Variants in RANBP2 observed in about 807,000 individuals in gnomAD.
RANBP2 encodes the protein E3 SUMO-protein ligase RanBP2.
In RANBP2, 57 loss-of-function variants were observed where a neutral mutation model predicts 303.6. The observed-to-expected ratio is 0.19, with a 90% CI of 0.15 to 0.23. The LOEUF is 0.23. Among genes scored for constraint, RANBP2 ranks in the 10% least tolerant of loss-of-function variants. The pLI is 1.00. For missense variants in RANBP2, 3,138 were observed against 3,780.8 expected, an observed-to-expected ratio of 0.83 and a Z score of 4.46; for synonymous variants, 1,167 against 1,301.5, an observed-to-expected ratio of 0.90 and a Z score of 2.23.
At chr2:108,854,707 G>A in the RANBP2 span, among the ~76,000 whole-genome samples, 3 of 152,100 alleles carry the variant, frequency 2.0e-5, no homozygotes, top group East Asian at 1.9e-4. Flanking sequence ...GGCTGGGCTC[G>A]GCTGGGCTTG....
chr2:108,787,060 G>A, downstream of RANBP2: 1 of 429,870 alleles, frequency 2.3e-6, no homozygotes, highest in Non-Finnish European at 3.9e-6. Flanking sequence ...TGGGCCTCGT[G>A]GAAGCAGGCG....
At chr2:109,134,621 G>A in the RANBP2 span, among the ~76,000 whole-genome samples, 12 of 152,278 alleles carry the variant, frequency 7.9e-5, no homozygotes, top group South Asian at 2.1e-4. Flanking sequence ...ACACAGGTAC[G>A]GAAATTAAGG....
At chr2:109,612,681 C>G in the RANBP2 span, among the ~76,000 whole-genome samples, 1 of 152,184 alleles carries the variant, frequency 6.6e-6, no homozygotes, top group South Asian at 2.1e-4. Flanking sequence ...TTATAAAACA[C>G]ATTTTCCTCA....
At chr2:109,446,153 G>A in the RANBP2 span, among the ~76,000 whole-genome samples, 2 of 152,120 alleles carry the variant, frequency 1.3e-5, no homozygotes, top group Admixed American at 6.5e-5. Context: ...TCCTACCAGA[G>A]ATGAGCACAC....
chr2:108,897,085 C>T, the RANBP2 span: 1 of 1,614,146 alleles, frequency 6.2e-7, no homozygotes, highest in Non-Finnish European at 8.5e-7. Flanking sequence ...GTCTGTCATG[C>T]CCCCAATCTC....
At chr2:108,759,201 G>T (rs1242289602) in intron 18 of RANBP2, among the ~76,000 whole-genome samples, 1 of 151,860 alleles carries the variant, frequency 6.6e-6, no homozygotes, top group Non-Finnish European at 1.5e-5. Flanking sequence ...TTTACTGTGG[G>T]TTGGCTATGT....
chr2:109,013,873 G>C, the RANBP2 span, among the ~76,000 whole-genome samples: 817 of 152,072 alleles, frequency 5.4e-3, 6 homozygotes, highest in African/African-American at 0.019. Context: ...CACCACACCC[G>C]GCCCTTTCCA....
chr2:109,006,025 C>T, the RANBP2 span, among the ~76,000 whole-genome samples: 1 of 152,126 alleles, frequency 6.6e-6, no homozygotes, highest in Non-Finnish European at 1.5e-5. Context: ...ACGGCCAGCC[C>T]GGAAGTGGCG....
chr2:108,734,472 A>T (rs1197860584), intron 4 of RANBP2, among the ~76,000 whole-genome samples: 8 of 125,146 alleles, frequency 6.4e-5, no homozygotes, highest in African/African-American at 3.8e-4. Flanking sequence ...CTAAGCACAC[A>T]GAAACCAGTT....
chr2:109,116,613 A>G, the RANBP2 span, among the ~76,000 whole-genome samples: 1 of 152,178 alleles, frequency 6.6e-6, no homozygotes, highest in African/African-American at 2.4e-5. Context: ...GATCATCTGA[A>G]GCCTTCTTCT....
intron 7 of RANBP2, 119 bp downstream of exon 7, chr2:108,740,800 A>C (rs1312479128): frequency 2.1e-6 from 3 of 1,451,420 alleles, no homozygotes; most frequent in Non-Finnish European, 2.8e-6. Context: ...TTAAAGTTGA[A>C]ATAGTCAATT....
rs371899344 is a variant in RANBP2, at chr2:108,753,911, C to G, written c.2142C>G (p.Thr714=). 1.2e-6 allele frequency: 2 copies of G among 1,611,936 alleles called. No individual in the cohort carries two copies. ...QEECKNYLRK[T]RDYLIKIIDD... ...AATGCAAAAATTATCTGAGAAAGAC[C>G]AGGGACTACCTAATAAAGATTATAG... is the stretch of plus-strand genomic sequence containing the variant. Residue 714 remains threonine, a synonymous_variant, in exon 15 of 29, where the codon ACC becomes ACG. Transcript: ENST00000283195.
chr2:108,792,382 T>C, the RANBP2 span, among the ~76,000 whole-genome samples: 1 of 152,386 alleles, frequency 6.6e-6, no homozygotes, highest in South Asian at 2.1e-4. Context: ...CTGTCGGGAC[T>C]TGAGTTTCCT....
chr2:109,177,254 A>G, the RANBP2 span, among the ~76,000 whole-genome samples: 1 of 152,198 alleles, frequency 6.6e-6, no homozygotes, highest in Non-Finnish European at 1.5e-5. Context: ...TGAAGCAGGA[A>G]GATTAAATGC....
At chr2:108,746,287 A>G (rs1471310095) in intron 7 of RANBP2, among the ~76,000 whole-genome samples, 1 of 132,806 alleles carries the variant, frequency 7.5e-6, no homozygotes, top group Non-Finnish European at 1.5e-5. Flanking sequence ...GTCTCAGCCC[A>G]CTACAACCTC....
the RANBP2 span, among the ~76,000 whole-genome samples, chr2:108,968,090 T>C: frequency 2.6e-5 from 4 of 152,088 alleles, no homozygotes; most frequent in African/African-American, 7.2e-5. Flanking sequence ...TGGAGCTGAG[T>C]GCTGCACAGG....
At chr2:108,912,715 G>A in the RANBP2 span, 10 of 1,602,214 alleles carry the variant, frequency 6.2e-6, no homozygotes, top group Non-Finnish European at 8.5e-6. Flanking sequence ...GGGTGCTGCT[G>A]CCCGAGGTGC....
chr2:109,488,939 C>G, the RANBP2 span, among the ~76,000 whole-genome samples: 1 of 152,222 alleles, frequency 6.6e-6, no homozygotes, highest in South Asian at 2.1e-4. Flanking sequence ...CTGCATGGCT[C>G]AGAGCTGGGC....
At chr2:109,699,599 C>T in the RANBP2 span, among the ~76,000 whole-genome samples, 1 of 152,156 alleles carries the variant, frequency 6.6e-6, no homozygotes, top group East Asian at 1.9e-4. Flanking sequence ...TAAGCGGAAG[C>T]AGATCATCAT....
Sources: allele counts gnomAD v4.1 joint callset (sites outside exome capture counted in the v4.1 genomes callset), GRCh38; gene constraint gnomAD v4.1.1; transcripts MANE v1.5; gene names NCBI Gene and HGNC (gene_info 2026-07-23, HGNC 2026-07-21).